The following TEAD1 variants were observed in gnomAD, a reference collection of about 807,000 sequenced individuals.
TEAD1 encodes transcriptional enhancer factor TEF-1.
TEAD1 carries 9 observed loss-of-function variants against 54.9 expected under a neutral mutation model. The ratio of observed to expected loss-of-function variants is 0.16; its 90% CI spans 0.10 to 0.29. TEAD1 has a LOEUF of 0.29. Ranked by LOEUF, TEAD1 falls within the 10% of genes least tolerant of loss-of-function variation. The probability of loss-of-function intolerance (pLI) is 1.00; values close to 1 mark genes in which losing one functional copy is unlikely to be tolerated. For missense variants in TEAD1, 387 were observed against 535.9 expected, an observed-to-expected ratio of 0.72 and a Z score of 2.74; for synonymous variants, 200 against 187.8, an observed-to-expected ratio of 1.07 and a Z score of -0.53.
chr11:12,887,053 A>T (rs528185268), intron 9 of TEAD1, among the ~76,000 whole-genome samples: 5 of 148,196 alleles, frequency 3.4e-5, no homozygotes, highest in Non-Finnish European at 5.9e-5. Flanking sequence ...ATGATTTAAT[A>T]TATGCAAATG....
chr11:12,763,454 G>A (rs183256708), intron 2 of TEAD1, among the ~76,000 whole-genome samples: 2 of 152,248 alleles, frequency 1.3e-5, no homozygotes, highest in Non-Finnish European at 2.9e-5. Context: ...TCTAGGAGCT[G>A]AGAGTGGCAA....
intron 2 of TEAD1, among the ~76,000 whole-genome samples, chr11:12,741,958 T>C (rs560870229): frequency 6.6e-6 from 1 of 152,348 alleles, no homozygotes; most frequent in African/African-American, 2.4e-5. Flanking sequence ...GTTTACACTT[T>C]GTTTAGAGGG....
At chr11:12,869,312 C>A (rs1426097002) in intron 5 of TEAD1, among the ~76,000 whole-genome samples, 2 of 152,154 alleles carry the variant, frequency 1.3e-5, no homozygotes, top group African/African-American at 4.8e-5. Flanking sequence ...AGGCTGGGAC[C>A]AGGGGCCAAC....
intron 2 of TEAD1, among the ~76,000 whole-genome samples, chr11:12,733,280 C>T (rs886942742): frequency 6.6e-6 from 1 of 152,188 alleles, no homozygotes; most frequent in East Asian, 1.9e-4. Context: ...AACTTTGCAG[C>T]ATTTCCTAAC....
intron 3 of TEAD1, among the ~76,000 whole-genome samples, chr11:12,812,617 A>G (rs890970734): frequency 1.3e-5 from 2 of 152,250 alleles, no homozygotes; most frequent in Non-Finnish European, 2.9e-5. Flanking sequence ...TCTTCCAGAT[A>G]GAATATCTAA....
At chr11:12,705,522 G>T (rs1943795507) in intron 2 of TEAD1, among the ~76,000 whole-genome samples, 1 of 152,070 alleles carries the variant, frequency 6.6e-6, no homozygotes, top group Non-Finnish European at 1.5e-5. Context: ...ATTTGTGTGA[G>T]TTTATGCCAG....
chr11:12,730,231 G>A (rs1944391677), intron 2 of TEAD1, among the ~76,000 whole-genome samples: 1 of 152,024 alleles, frequency 6.6e-6, no homozygotes, highest in Non-Finnish European at 1.5e-5. Flanking sequence ...GCACTTTATT[G>A]TTTACAAAAC....
intron 2 of TEAD1, among the ~76,000 whole-genome samples, chr11:12,721,820 G>A (rs1480983704): frequency 6.6e-6 from 1 of 152,086 alleles, no homozygotes. Flanking sequence ...CACTCCTCAA[G>A]CCCCCCGCCC....
chr11:12,714,111 G>T (rs916788599), intron 2 of TEAD1, among the ~76,000 whole-genome samples: 1 of 152,160 alleles, frequency 6.6e-6, no homozygotes, highest in Admixed American at 6.5e-5. Context: ...GAGTATTTGG[G>T]TAGGCAAGAA....
At chr11:12,887,663 A>G (rs1948117914) in intron 9 of TEAD1, among the ~76,000 whole-genome samples, 1 of 152,188 alleles carries the variant, frequency 6.6e-6, no homozygotes, top group South Asian at 2.1e-4. Flanking sequence ...TATCATGTAG[A>G]TAGTTTCTTT....
At chr11:12,869,904 G>C (rs1947703951) in intron 5 of TEAD1, among the ~76,000 whole-genome samples, 1 of 151,364 alleles carries the variant, frequency 6.6e-6, no homozygotes, top group South Asian at 2.1e-4. Context: ...TTTTGAGACA[G>C]AGTCTTGCTT....
At chr11:12,806,308 G>A (rs1946170855) in intron 3 of TEAD1, among the ~76,000 whole-genome samples, 1 of 152,184 alleles carries the variant, frequency 6.6e-6, no homozygotes, top group East Asian at 1.9e-4. Flanking sequence ...CCTGCTAACA[G>A]CTGTTCCCAG....
intron 2 of TEAD1, among the ~76,000 whole-genome samples, chr11:12,719,949 G>GCTTTTTT (rs1944151199): frequency 2.5e-5 from 1 of 39,990 alleles, no homozygotes; most frequent in African/African-American, 5.6e-5. Context: ...GAAATCTAAT[G>GCTTTTTT]TTTTTTTTTT....
chr11:12,681,264 T>G (rs1448458202), intron 2 of TEAD1, among the ~76,000 whole-genome samples: 2 of 152,240 alleles, frequency 1.3e-5, no homozygotes, highest in East Asian at 3.8e-4. Flanking sequence ...TCAAAGTTGC[T>G]TTTGCTTTAA....
chr11:12,785,821 A>T (rs1163963284), intron 3 of TEAD1, among the ~76,000 whole-genome samples: 2 of 152,340 alleles, frequency 1.3e-5, no homozygotes, highest in Middle Eastern at 3.4e-3. Flanking sequence ...ATCCATGACT[A>T]TTCAGAACCT....
At chr11:12,855,976 C>T (rs1947369143) in intron 3 of TEAD1, among the ~76,000 whole-genome samples, 1 of 150,274 alleles carries the variant, frequency 6.7e-6, no homozygotes, top group Admixed American at 6.6e-5. Context: ...GTGGTGGGGG[C>T]ATATGACTAG....
chr11:12,895,179 A>G (rs773945532), intron 9 of TEAD1, among the ~76,000 whole-genome samples: 8 of 151,670 alleles, frequency 5.3e-5, no homozygotes, highest in Admixed American at 2.0e-4. Context: ...GCTTTGAAGG[A>G]AGACGAAAGT....
In TEAD1 at chr11:12,937,934, A is replaced by G. The variant is rs1658450773; in HGVS notation, c.*712A>G. 1 of 152,370 alleles carries G rather than the reference A, an allele frequency of 6.6e-6. No individual in the cohort carries two copies. Among genetic ancestry groups the G allele is most frequent in the African/African-American group, 2.4e-5 (1 of 41,332 alleles). The allele number at this position is 152,370 out of a possible 1,614,324, so 9.4% of individuals were successfully genotyped here. A position where few individuals can be genotyped will look rare whatever the true frequency, so the allele number is the denominator to read the frequency against. On this transcript the variant is annotated 3_prime_UTR_variant, in exon 13 of 13. Transcript: ENST00000527636. The stretch of plus-strand genomic sequence containing the variant: ...TAATCCATTAAACTCTTGAACAGGT[A>G]TTACAAAGGAAGAAAACTTCACCCC...
chr11:12,791,827 A>C (rs542933234), intron 3 of TEAD1, among the ~76,000 whole-genome samples: 96 of 152,372 alleles, frequency 6.3e-4, no homozygotes, highest in Non-Finnish European at 1.1e-3. Context: ...GAAGGCCATA[A>C]AAAGCCCAAG....
Sources: gnomAD v4.1 joint callset for allele counts (sites outside exome capture counted in the v4.1 genomes callset) on GRCh38, gnomAD v4.1.1 for gene constraint, MANE v1.5 for transcripts, NCBI Gene and HGNC (gene_info 2026-07-23, HGNC 2026-07-21) for gene names.